The following STX18 variants were observed in gnomAD, a reference collection of about 807,000 sequenced individuals.
The protein encoded by STX18 is syntaxin 18.
A neutral mutation model predicts 50.1 loss-of-function variants in STX18; 40 were observed. The observed-to-expected ratio is 0.80, with a 90% confidence interval of 0.62 to 1.04. The LOEUF (loss-of-function observed/expected upper bound fraction) is 1.04. Among genes scored for constraint, STX18 ranks in the 50% least tolerant of loss-of-function variants. STX18 has a pLI of 0.00. For missense variants in STX18, 410 were observed against 415.8 expected (o/e 0.99, Z 0.12); for synonymous variants, 158 against 151.8 (o/e 1.04, Z -0.30).
In STX18 at chr4:4,507,228, A is replaced by G. The variant is rs907821393; in HGVS notation, c.168+34569T>C. On this transcript the variant is annotated intron_variant, in intron 1 of 10. Coordinates refer to ENST00000306200, the MANE Select transcript of STX18 (RefSeq NM_016930.4). ...CAGTCAGCCATGCAATTATGAGGGT[A>G]AACAACCCATACTTTACAGTGTACT... 21 of 635,136 alleles carry G rather than the reference A, an allele frequency of 3.3e-5. No individual in the cohort carries two copies. The Admixed American group carries it at 4.2e-4, about 13-fold the overall frequency. The allele number at this position is 635,136 out of a possible 1,614,324, so 39.3% of individuals were successfully genotyped here.
chr4:4,475,284 A>G (rs1366508440), intron 1 of STX18, among the ~76,000 whole-genome samples: 1 of 152,226 alleles, frequency 6.6e-6, no homozygotes. Flanking sequence ...TCAGGATTAA[A>G]CAGAATTCTT....
intron 1 of STX18, among the ~76,000 whole-genome samples, chr4:4,531,252 T>C (rs1731084993): frequency 6.6e-6 from 1 of 152,174 alleles, no homozygotes; most frequent in Admixed American, 6.5e-5. Flanking sequence ...TTGGTATATA[T>C]GCTGCCAAAG....
intron 1 of STX18, among the ~76,000 whole-genome samples, chr4:4,512,759 T>A (rs1730060004): frequency 1.3e-5 from 2 of 152,194 alleles, no homozygotes. Flanking sequence ...TATCTTACAG[T>A]GACTTCCTGG....
intron 1 of STX18, chr4:4,479,061 T>C (rs1728334817): frequency 6.6e-6 from 1 of 152,326 alleles, no homozygotes; most frequent in South Asian, 2.1e-4. Flanking sequence ...TTAATCTCCG[T>C]GGGCTTCACT....
At chr4:4,518,657 T>C (rs1209614858) in intron 1 of STX18, among the ~76,000 whole-genome samples, 1 of 152,162 alleles carries the variant, frequency 6.6e-6, no homozygotes, top group Non-Finnish European at 1.5e-5. Flanking sequence ...AATTCCTTCC[T>C]CTCTCTTTTC....
intron 1 of STX18, among the ~76,000 whole-genome samples, chr4:4,513,245 G>GC (rs1730088933): frequency 6.6e-6 from 1 of 152,132 alleles, no homozygotes; most frequent in African/African-American, 2.4e-5. Context: ...TAGAGGGGGG[G>GC]ACCCTCGTCT....
At chr4:4,501,292 G>A (rs145830100) in intron 1 of STX18, among the ~76,000 whole-genome samples, 3 of 152,086 alleles carry the variant, frequency 2.0e-5, no homozygotes, top group East Asian at 1.9e-4. Context: ...ACATTTTTGC[G>A]ACATGGTTCC....
chr4:4,483,901 GC>G (rs1478621797), intron 1 of STX18, among the ~76,000 whole-genome samples: 5 of 151,326 alleles, frequency 3.3e-5, no homozygotes, highest in Admixed American at 1.3e-4. Context: ...CGCTCCTGTT[GC>G]CCAGGCTGGA....
chr4:4,509,581 A>G (rs1483140373), intron 1 of STX18, among the ~76,000 whole-genome samples: 2 of 152,192 alleles, frequency 1.3e-5, no homozygotes, highest in Non-Finnish European at 2.9e-5. Context: ...GGTTTTGGTT[A>G]CAATCCAGCC....
In STX18 at chr4:4,424,085, G is replaced by A. The variant is rs568761171; in HGVS notation, c.762-498C>T. Reference sequence around the variant, plus strand: ...CCTTCAAACCAACTCCCTGTTCCAAGAAAAAAGCTCCTCTGATTCATTTAG... The same window carrying A: ...CCTTCAAACCAACTCCCTGTTCCAAAAAAAAAGCTCCTCTGATTCATTTAG... On this transcript the variant is annotated intron_variant, in intron 8 of 10. Transcript: ENST00000306200. Among the ~76,000 whole-genome samples, 7 of 151,340 alleles carry A rather than the reference G, an allele frequency of 4.6e-5. No individual in the cohort carries two copies. The East Asian group carries it at 1.4e-3, about 29-fold the overall frequency.
In STX18 at chr4:4,420,994, T is replaced by A; in HGVS notation, c.832-50A>T. On this transcript the variant is annotated intron_variant, in intron 9 of 10. Transcript: ENST00000306200. This position sits in a 1 kb window ranked among gnomAD's most constrained non-coding sequence, Gnocchi z 4.3. ...GTTGAGTATCCTTTATCCAAAAACC[T>A]GAAACCCAAAATGCTCCAACGAGCA... 6.3e-7 allele frequency: 1 copy of A among 1,577,298 alleles called. No individual in the cohort carries two copies. Among genetic ancestry groups the A allele is most frequent in the Non-Finnish European group, 8.7e-7 (1 of 1,148,196 alleles).
At chr4:4,471,829 G>A (rs558693480) in intron 1 of STX18, 123 bp from the exon 2 acceptor site, 4 of 687,818 alleles carry the variant, frequency 5.8e-6, no homozygotes, top group Middle Eastern at 4.1e-4. Context: ...ACTGAGCACC[G>A]TCGGTTTTGG....
chr4:4,465,450 T>C (rs1378205206), intron 2 of STX18, among the ~76,000 whole-genome samples: 2 of 152,242 alleles, frequency 1.3e-5, no homozygotes, highest in Non-Finnish European at 1.5e-5. Flanking sequence ...ATGATGTCCT[T>C]TGCAGGGACA....
In STX18 at chr4:4,449,012, A is replaced by G. The variant is rs530276906; in HGVS notation, c.497+8179T>C. 1.2e-3 allele frequency among the ~76,000 whole-genome samples: 177 copies of G among 145,310 alleles called. 3 individuals carry two copies. The South Asian group carries it at 0.039, about 32-fold the overall frequency. On this transcript the variant is annotated intron_variant, in intron 5 of 10. Transcript: ENST00000306200. ...AAAAAGTTATGAAAAATATTATTACATTACTTCCATTTCTCCCTTGGACCC... is the reference window on the plus strand; with the variant it reads ...AAAAAGTTATGAAAAATATTATTACGTTACTTCCATTTCTCCCTTGGACCC...
At chr4:4,493,953 C>T (rs1048469932) in intron 1 of STX18, among the ~76,000 whole-genome samples, 1 of 152,192 alleles carries the variant, frequency 6.6e-6, no homozygotes. Flanking sequence ...ATGTCTTTAA[C>T]TCTTTTCCCT....
intron 1 of STX18, among the ~76,000 whole-genome samples, chr4:4,536,925 T>G (rs1243679276): frequency 6.6e-6 from 1 of 152,192 alleles, no homozygotes. Context: ...TCTCTGCAGT[T>G]ATCTAATCGA....
chr4:4,501,814 T>C (rs1729474939), intron 1 of STX18, among the ~76,000 whole-genome samples: 1 of 152,224 alleles, frequency 6.6e-6, no homozygotes, highest in South Asian at 2.1e-4. Flanking sequence ...GGTATTTAAA[T>C]ACATAACCCA....
At chr4:4,456,258 A>T (rs1417359999) in intron 5 of STX18, among the ~76,000 whole-genome samples, 1 of 151,744 alleles carries the variant, frequency 6.6e-6, no homozygotes, top group Non-Finnish European at 1.5e-5. Flanking sequence ...ACCCTGTCTC[A>T]AAAACAAAAA....
intron 8 of STX18, 67 bp from the exon 9 acceptor site, chr4:4,423,654 C>A (rs900887917): frequency 1.3e-6 from 2 of 1,489,430 alleles, no homozygotes; most frequent in Admixed American, 1.7e-5. Context: ...CTGTTACACA[C>A]TTCTAAAGAA....
Sources: gnomAD v4.1 joint callset for allele counts (sites outside exome capture counted in the v4.1 genomes callset) on GRCh38, gnomAD v4.1.1 for gene constraint, Gnocchi (gnomAD v3.1) non-coding constraint, MANE v1.5 for transcripts, NCBI Gene and HGNC (gene_info 2026-07-23, HGNC 2026-07-21) for gene names.